The following PHLDB2 variants were observed in gnomAD, a reference collection of about 807,000 sequenced individuals.
PHLDB2 encodes the protein pleckstrin homology like domain family B member 2.
A neutral mutation model predicts 123.6 loss-of-function variants in PHLDB2; 71 were observed. That is an observed-to-expected ratio of 0.57 (90% CI 0.47 to 0.70). The LOEUF (loss-of-function observed/expected upper bound fraction) is 0.70, where lower values mean the gene tolerates loss of function less well. Ranked by LOEUF, PHLDB2 falls within the 30% of genes least tolerant of loss-of-function variation. The pLI is 0.00. For synonymous variants in PHLDB2, 547 were observed against 541.6 expected, an observed-to-expected ratio of 1.01 and a Z score of -0.14; for missense variants, 1,446 against 1,519.5, an observed-to-expected ratio of 0.95 and a Z score of 0.80.
At chr3:111,837,437 T>C (rs917846669) in intron 1 of PHLDB2, among the ~76,000 whole-genome samples, 4 of 152,140 alleles carry the variant, frequency 2.6e-5, no homozygotes, top group Non-Finnish European at 4.4e-5. Context: ...AAAGTCGTGC[T>C]CTTTGGGGTG....
At chr3:111,945,910 C>T (rs911202215) in intron 9 of PHLDB2, among the ~76,000 whole-genome samples, 8 of 152,224 alleles carry the variant, frequency 5.3e-5, no homozygotes, top group African/African-American at 1.9e-4. Context: ...CTCCAATATC[C>T]ACCTTTCCCC....
At chr3:111,758,742 C>T (rs1234186722) in intron 1 of PHLDB2, among the ~76,000 whole-genome samples, 1 of 152,212 alleles carries the variant, frequency 6.6e-6, no homozygotes, top group Non-Finnish European at 1.5e-5. Flanking sequence ...ATTCGGCCAT[C>T]TTGGCTCGAC....
chr3:111,824,649 T>C (rs2062564907), intron 1 of PHLDB2, among the ~76,000 whole-genome samples: 1 of 152,178 alleles, frequency 6.6e-6, no homozygotes. Flanking sequence ...GTCCTCAGAA[T>C]GAAGCCTGTG....
chr3:111,959,312 G>A (rs1407817267), intron 12 of PHLDB2, among the ~76,000 whole-genome samples: 2 of 152,230 alleles, frequency 1.3e-5, no homozygotes, highest in African/African-American at 2.4e-5. Context: ...CAGCAGGGAG[G>A]AAGCTAGGCC....
At chr3:111,883,519 AG>A (rs2066034011) in intron 1 of PHLDB2, among the ~76,000 whole-genome samples, 1 of 152,194 alleles carries the variant, frequency 6.6e-6, no homozygotes, top group Admixed American at 6.5e-5. Flanking sequence ...TTTGTTGAGA[AG>A]GTAACTCCCA....
intron 2 of PHLDB2, among the ~76,000 whole-genome samples, chr3:111,850,489 A>G (rs2064202658): frequency 6.6e-6 from 1 of 152,230 alleles, no homozygotes; most frequent in South Asian, 2.1e-4. Context: ...GTTTTTGAGG[A>G]TAGTCATAAA....
chr3:111,870,911 T>C (rs1232605920), intron 1 of PHLDB2, among the ~76,000 whole-genome samples: 2 of 152,210 alleles, frequency 1.3e-5, no homozygotes, highest in Non-Finnish European at 2.9e-5. Flanking sequence ...TGCCACAAAA[T>C]GCGGACTCCA....
chr3:111,953,096 A>G (rs78867782), intron 11 of PHLDB2, among the ~76,000 whole-genome samples: 1 of 152,170 alleles, frequency 6.6e-6, no homozygotes, highest in Non-Finnish European at 1.5e-5. Flanking sequence ...TGAGCCTTTT[A>G]TGTGGATTGC....
chr3:111,861,991 GCCA>G lies in PHLDB2; in HGVS notation c.-15+2420_-15+2422del, dbSNP rs377098627. On this transcript the variant is annotated intron_variant, in intron 1 of 17. Transcript: ENST00000431670. ...CGAGTAGCTGGGATTACAGGCGCCTGCCACCACACCTGGCTAATTTTTCTATTT... is the reference window on the plus strand; with the variant it reads ...CGAGTAGCTGGGATTACAGGCGCCTGCCACACCTGGCTAATTTTTCTATTT... Among the ~76,000 whole-genome samples, 752 of 152,228 alleles carry G rather than the reference GCCA, an allele frequency of 4.9e-3. 10 individuals are homozygous for G. The highest frequency in any genetic ancestry group is 0.017 in the African/African-American group (712 of 41,544).
At chr3:111,861,655 G>A (rs547486484) in intron 1 of PHLDB2, among the ~76,000 whole-genome samples, 2 of 152,318 alleles carry the variant, frequency 1.3e-5, no homozygotes, top group East Asian at 3.9e-4. Flanking sequence ...TGTTTGAAAA[G>A]GGGAGGAAAA....
intron 1 of PHLDB2, among the ~76,000 whole-genome samples, chr3:111,757,083 T>G (rs1429476223): frequency 6.6e-6 from 1 of 152,156 alleles, no homozygotes; most frequent in Non-Finnish European, 1.5e-5. Context: ...CCCTTAACAT[T>G]TTTTCCTTCA....
chr3:111,814,628 TA>T (rs35877984), intron 1 of PHLDB2, among the ~76,000 whole-genome samples: 35,884 of 141,946 alleles, frequency 0.25, 4,305 homozygotes, highest in Admixed American at 0.27. Flanking sequence ...AGTATTTATT[TA>T]AAAAAAAAAA....
At chr3:111,819,854 G>C (rs747759730) in intron 1 of PHLDB2, among the ~76,000 whole-genome samples, 1 of 152,178 alleles carries the variant, frequency 6.6e-6, no homozygotes, top group African/African-American at 2.4e-5. Flanking sequence ...TAATTGTCAA[G>C]ATGCATCCAC....
At chr3:111,911,595 A>G in intron 2 of PHLDB2, 1 of 1,533,850 alleles carries the variant, frequency 6.5e-7, no homozygotes, top group Non-Finnish European at 8.7e-7. Context: ...AATAAGTACC[A>G]GGGCTCCTGG....
chr3:111,920,318 A>G lies in PHLDB2; in HGVS notation c.1900A>G (p.Lys634Glu). The change falls in exon 5 of 18, where the codon AAA becomes GAA. Residue 634 changes from lysine to glutamate, a missense_variant. Transcript: ENST00000431670. ...ATGTGCTCTTTTGGATGGAGAACAG[A>G]AATCTGAAACAACTGAACTTATGAA... ...MECALLDGEQ[K>E]SETTELMKEK... 6.2e-7 allele frequency: 1 copy of G among 1,614,024 alleles called. No homozygotes were observed. The highest frequency in any genetic ancestry group is 8.5e-7 in the Non-Finnish European group (1 of 1,179,948).
intron 1 of PHLDB2, among the ~76,000 whole-genome samples, chr3:111,819,234 G>C (rs1429135397): frequency 2.6e-5 from 4 of 151,990 alleles, no homozygotes; most frequent in Non-Finnish European, 5.9e-5. Flanking sequence ...TGGGGGTTAG[G>C]GCTTCCACGT....
chr3:111,834,159 TA>T (rs2063243659), intron 1 of PHLDB2, among the ~76,000 whole-genome samples: 1 of 25,648 alleles, frequency 3.9e-5, no homozygotes, highest in Non-Finnish European at 1.0e-4. Context: ...TTATATATAT[TA>T]TATATGTAAT....
intron 2 of PHLDB2, among the ~76,000 whole-genome samples, chr3:111,892,037 TA>T (rs2066529795): frequency 6.6e-6 from 1 of 152,226 alleles, no homozygotes; most frequent in Non-Finnish European, 1.5e-5. Flanking sequence ...AGTGCCTTGG[TA>T]AATAGCATTG....
At chr3:111,763,998 G>C (rs12490337) in intron 1 of PHLDB2, among the ~76,000 whole-genome samples, 41,898 of 152,000 alleles carry the variant, frequency 0.28, 6,251 homozygotes, top group East Asian at 0.53. Flanking sequence ...AAAATATAAT[G>C]CCAAAATAGA....
Sources: allele counts gnomAD v4.1 joint callset (sites outside exome capture counted in the v4.1 genomes callset), GRCh38; gene constraint gnomAD v4.1.1; transcripts MANE v1.5; gene names NCBI Gene and HGNC (gene_info 2026-07-23, HGNC 2026-07-21).